The following MAP2K5 variants were observed in gnomAD, a reference collection of about 807,000 sequenced individuals.
MAP2K5 encodes the protein dual specificity mitogen-activated protein kinase kinase 5.
A neutral mutation model predicts 83.1 loss-of-function variants in MAP2K5; 49 were observed. That is an observed-to-expected ratio of 0.59 (90% CI 0.47 to 0.75). The LOEUF (loss-of-function observed/expected upper bound fraction) is 0.75, where lower values mean the gene tolerates loss of function less well. MAP2K5 is among the 30% of genes least tolerant of loss of function. The pLI is 0.00. For missense variants in MAP2K5, 457 were observed against 557.5 expected (o/e 0.82, Z 1.82); for synonymous variants, 202 against 191.8 (o/e 1.05, Z -0.44).
At chr15:67,594,976 C>T (rs973245120) in intron 7 of MAP2K5, among the ~76,000 whole-genome samples, 1 of 152,130 alleles carries the variant, frequency 6.6e-6, no homozygotes, top group African/African-American at 2.4e-5. Context: ...TGAACACTGA[C>T]ACCACTTGAT....
chr15:67,699,429 C>A (rs1390822026), intron 15 of MAP2K5, among the ~76,000 whole-genome samples: 1 of 152,174 alleles, frequency 6.6e-6, no homozygotes, highest in Admixed American at 6.5e-5. Context: ...CCTCTTCCCC[C>A]AGTCCCGGGA....
At chr15:67,642,635 GA>G in intron 9 of MAP2K5, 1 of 670,696 alleles carries the variant, frequency 1.5e-6, no homozygotes, top group Non-Finnish European at 2.7e-6. Flanking sequence ...TGTAAGTAGG[GA>G]AAGCACAGGA....
At position 67,585,935 on chromosome 15, in the gene MAP2K5, G is replaced by A. The variant is rs369546612; in HGVS notation, c.363+5G>A. 15 of 1,612,292 alleles carry A rather than the reference G, an allele frequency of 9.3e-6. No homozygotes were observed. The highest frequency in any genetic ancestry group is 6.7e-5 in the African/African-American group (5 of 74,898). On this transcript the variant is annotated splice_donor_5th_base_variant and intron_variant, in intron 5 of 21. Coordinates refer to ENST00000178640, the MANE Select transcript of MAP2K5 (RefSeq NM_145160.3). The stretch of plus-strand genomic sequence containing the variant: ...CGGAACATACATGGCCTGAAGGTAC[G>A]AATTTCAATAATTGTTTCAGTAAAG...
intron 7 of MAP2K5, among the ~76,000 whole-genome samples, chr15:67,593,704 C>T (rs187820364): frequency 6.6e-6 from 1 of 152,366 alleles, no homozygotes; most frequent in African/African-American, 2.4e-5. Flanking sequence ...CCATTGCGAT[C>T]AAGCCTGCCT....
intron 8 of MAP2K5, among the ~76,000 whole-genome samples, chr15:67,617,266 C>T (rs1249735970): frequency 6.6e-6 from 1 of 152,126 alleles, no homozygotes; most frequent in Non-Finnish European, 1.5e-5. Context: ...TTAATTATAT[C>T]CTACCTCACA....
rs1048273365 is a variant in MAP2K5, at chr15:67,785,061, C to A, written c.1242+12309C>A. On this transcript the variant is annotated intron_variant, in intron 21 of 21. Transcript: ENST00000178640. The surrounding 1 kb of genome is among the most constrained non-coding windows in gnomAD (Gnocchi z 4.4). ...CTCAGGTGATCCTCCTACCTCAGCACCCGCCCTTCCTTGAGTAGCTGAGAC... is the reference window on the plus strand; with the variant it reads ...CTCAGGTGATCCTCCTACCTCAGCAACCGCCCTTCCTTGAGTAGCTGAGAC... 1.3e-5 allele frequency among the ~76,000 whole-genome samples: 2 copies of A among 151,760 alleles called. No individual in the cohort carries two copies. Among genetic ancestry groups the A allele is most frequent in the Non-Finnish European group, 2.9e-5 (2 of 67,912 alleles).
intron 21 of MAP2K5, among the ~76,000 whole-genome samples, chr15:67,795,250 G>A (rs1278250190): frequency 5.9e-5 from 9 of 151,856 alleles, no homozygotes; most frequent in East Asian, 1.9e-4. Context: ...ATTCCTTCAT[G>A]TTCTTTATTA....
intron 12 of MAP2K5, among the ~76,000 whole-genome samples, chr15:67,659,559 A>G (rs920564295): frequency 6.6e-6 from 1 of 152,080 alleles, no homozygotes; most frequent in Non-Finnish European, 1.5e-5. Context: ...TCTCATCTAC[A>G]TGTGCAGGTA....
intron 6 of MAP2K5, 103 bp from the exon 7 acceptor site, chr15:67,592,823 C>G (rs556678403): frequency 2.6e-6 from 2 of 775,152 alleles, no homozygotes; most frequent in African/African-American, 3.6e-5. Flanking sequence ...AGAATATGCT[C>G]AATCCCTATA....
At chr15:67,797,137 C>A (rs1286323793) in intron 21 of MAP2K5, among the ~76,000 whole-genome samples, 1 of 152,204 alleles carries the variant, frequency 6.6e-6, no homozygotes, top group Non-Finnish European at 1.5e-5. Context: ...CCCCAGACTT[C>A]AGGGTTTTAG....
In MAP2K5 at chr15:67,786,484, G is replaced by T. The variant is rs2061705263; in HGVS notation, c.1242+13732G>T. Among the ~76,000 whole-genome samples the T allele has an allele frequency of 6.6e-6, 1 of 150,418 alleles. No homozygotes were observed. Among genetic ancestry groups the T allele is most frequent in the Non-Finnish European group, 1.5e-5 (1 of 67,238 alleles). ...ATGGGTTCAGAAAGAATATAAGAAA[G>T]ACCTATGTCTCAGGAGCAGACTAGA... On this transcript the variant is annotated intron_variant, in intron 21 of 21. Coordinates refer to ENST00000178640, the MANE Select transcript of MAP2K5 (RefSeq NM_145160.3). This position sits in a 1 kb window ranked among gnomAD's most constrained non-coding sequence, Gnocchi z 4.7.
At chr15:67,805,014 C>A (rs2090775103) in intron 21 of MAP2K5, among the ~76,000 whole-genome samples, 1 of 152,196 alleles carries the variant, frequency 6.6e-6, no homozygotes, top group Non-Finnish European at 1.5e-5. Context: ...GGCCCCTGTG[C>A]CCTTAGGGGT....
rs557069301 is a variant in MAP2K5, at chr15:67,720,881, A to C, written c.1045-7035A>C. On this transcript the variant is annotated intron_variant, in intron 16 of 21. Coordinates refer to ENST00000178640, the MANE Select transcript of MAP2K5 (RefSeq NM_145160.3). This position sits in a 1 kb window ranked among gnomAD's most constrained non-coding sequence, Gnocchi z 5.7. ...CTATATTAGGTGAAGATTGTGAACT[A>C]AGCTGCAATAAAGTGTAAGTTTAGG... Among the ~76,000 whole-genome samples, 3 of 152,212 alleles carry C rather than the reference A, an allele frequency of 2.0e-5. No homozygotes were observed. Among genetic ancestry groups the C allele is most frequent in the Non-Finnish European group, 4.4e-5 (3 of 68,030 alleles).
chr15:67,615,074 T>C (rs2086025676), intron 8 of MAP2K5, among the ~76,000 whole-genome samples: 1 of 152,132 alleles, frequency 6.6e-6, no homozygotes, highest in Non-Finnish European at 1.5e-5. Flanking sequence ...CTTGGCTCAC[T>C]GTAACCTCTG....
At chr15:67,707,041 G>A (rs144444691) in intron 16 of MAP2K5, among the ~76,000 whole-genome samples, 9 of 152,078 alleles carry the variant, frequency 5.9e-5, no homozygotes, top group South Asian at 2.1e-4. Flanking sequence ...TCAGCCTCCC[G>A]AGTAGCTGGG....
intron 13 of MAP2K5, among the ~76,000 whole-genome samples, chr15:67,666,355 T>C (rs7170535): frequency 0.99 from 151,142 of 152,324 alleles, 75,002 homozygotes; most frequent in Non-Finnish European, 1. Flanking sequence ...ATGTACCTTT[T>C]GTATTCCTGT....
intron 12 of MAP2K5, among the ~76,000 whole-genome samples, chr15:67,660,263 A>G (rs967134600): frequency 2.6e-5 from 4 of 151,120 alleles, no homozygotes; most frequent in South Asian, 4.2e-4. Flanking sequence ...CTGGGTTTGT[A>G]TAATGCCTCC....
chr15:67,645,937 C>T (rs886869063), intron 9 of MAP2K5, among the ~76,000 whole-genome samples: 7 of 152,274 alleles, frequency 4.6e-5, no homozygotes, highest in South Asian at 2.1e-4. Context: ...AAATAGAGTG[C>T]ATAAATTAAG....
rs1014314336 is a variant in MAP2K5, at chr15:67,778,058, G to A, written c.1242+5306G>A. 6.6e-6 allele frequency among the ~76,000 whole-genome samples: 1 copy of A among 152,198 alleles called. No homozygotes were observed. Among genetic ancestry groups the A allele is most frequent in the Non-Finnish European group, 1.5e-5 (1 of 68,038 alleles). ...CATCCCAGCAGCTGCAAACTTGAAG[G>A]CATCTCATTTCTCAGCTAAGGCTTT... On this transcript the variant is annotated intron_variant, in intron 21 of 21. Transcript: ENST00000178640. The surrounding 1 kb of genome is among the most constrained non-coding windows in gnomAD (Gnocchi z 5.0).
Sources: allele counts gnomAD v4.1 joint callset (sites outside exome capture counted in the v4.1 genomes callset), GRCh38; gene constraint gnomAD v4.1.1; non-coding constraint Gnocchi (gnomAD v3.1); transcripts MANE v1.5; gene names NCBI Gene and HGNC (gene_info 2026-07-23, HGNC 2026-07-21).